The following CNTNAP5 variants were observed in gnomAD, a reference collection of about 807,000 sequenced individuals.
CNTNAP5 encodes contactin associated protein family member 5, also known as contactin-associated protein-like 5.
In CNTNAP5, 72 loss-of-function variants were observed where a neutral mutation model predicts 150.2. The ratio of observed to expected loss-of-function variants is 0.48; its 90% CI spans 0.40 to 0.58. The LOEUF is 0.58. CNTNAP5 is among the 20% of genes least tolerant of loss of function. The pLI, the probability that CNTNAP5 is intolerant of heterozygous loss-of-function variation, is 0.00. For missense variants in CNTNAP5, 1,636 were observed against 1,626.2 expected, an observed-to-expected ratio of 1.01 and a Z score of -0.10; for synonymous variants, 672 against 619.8, an observed-to-expected ratio of 1.08 and a Z score of -1.25.
intron 1 of CNTNAP5, among the ~76,000 whole-genome samples, chr2:124,182,438 G>A (rs1685230851): frequency 6.6e-6 from 1 of 150,774 alleles, no homozygotes; most frequent in Admixed American, 6.6e-5. Flanking sequence ...CTGAGACTCA[G>A]GAAGCGGAAG....
rs552265771 is a variant in CNTNAP5 at position 124,875,296 on chromosome 2, T to C, written c.3436+5534T>C. On this transcript the variant is annotated intron_variant, in intron 21 of 23. Transcript: ENST00000682447. ...TTTATGCATATAAATAAAAGGTGTGTACTTCAAAATGCTCACTTTGGAAGA... is the reference window on the plus strand; with the variant it reads ...TTTATGCATATAAATAAAAGGTGTGCACTTCAAAATGCTCACTTTGGAAGA... Among the ~76,000 whole-genome samples, 3 of 152,250 alleles carry C rather than the reference T, an allele frequency of 2.0e-5. No homozygotes were observed. In the East Asian group the frequency reaches 5.8e-4, roughly 29 times the overall value.
In CNTNAP5 at chr2:124,279,408, A is replaced by C. The variant is rs1246358172; in HGVS notation, c.381+37015A>C. Among the ~76,000 whole-genome samples, 4 of 152,174 alleles carry C rather than the reference A, an allele frequency of 2.6e-5. 1 individual carries two copies. Among genetic ancestry groups the C allele is most frequent in the Non-Finnish European group, 5.9e-5 (4 of 67,998 alleles). Reference sequence around the variant, plus strand: ...ACACCTACCAGAAAACAGAGGAACCACCCAGAATTCTGTGTAGTATGAGCT... The same window carrying C: ...ACACCTACCAGAAAACAGAGGAACCCCCCAGAATTCTGTGTAGTATGAGCT... On this transcript the variant is annotated intron_variant, in intron 3 of 23. Coordinates refer to ENST00000682447, the MANE Select transcript of CNTNAP5 (RefSeq NM_001367498.1).
At chr2:124,238,194 G>T (rs955035359) in intron 2 of CNTNAP5, among the ~76,000 whole-genome samples, 1 of 152,166 alleles carries the variant, frequency 6.6e-6, no homozygotes, top group Non-Finnish European at 1.5e-5. Context: ...GCCGCTTGTA[G>T]CCCAGGGAAG....
At chr2:124,092,889 CAG>C (rs1366439778) in intron 1 of CNTNAP5, among the ~76,000 whole-genome samples, 2 of 152,116 alleles carry the variant, frequency 1.3e-5, no homozygotes, top group East Asian at 1.9e-4. Flanking sequence ...AACAATGAAA[CAG>C]GGAAATAGTA....
chr2:124,653,910 A>ACCCC (rs1573525170), intron 13 of CNTNAP5, among the ~76,000 whole-genome samples: 2 of 18,378 alleles, frequency 1.1e-4, no homozygotes, highest in Non-Finnish European at 1.1e-4. Flanking sequence ...CACTGCCCCC[A>ACCCC]ACCCCCCCCC....
chr2:124,210,630 A>G, intron 1 of CNTNAP5, among the ~76,000 whole-genome samples: 1 of 152,064 alleles, frequency 6.6e-6, no homozygotes, highest in Admixed American at 6.5e-5. Context: ...CTCTATCCCC[A>G]TCTCCACCCA....
chr2:124,263,131 A>G (rs1687504609), intron 3 of CNTNAP5, among the ~76,000 whole-genome samples: 1 of 152,088 alleles, frequency 6.6e-6, no homozygotes, highest in Admixed American at 6.6e-5. Flanking sequence ...TGCCTTTATA[A>G]CAGCATGATT....
chr2:124,443,283 A>T (rs1389277760), intron 5 of CNTNAP5, among the ~76,000 whole-genome samples: 1 of 149,328 alleles, frequency 6.7e-6, no homozygotes, highest in Non-Finnish European at 1.5e-5. Context: ...TATACATCAT[A>T]TGTTATATTT....
chr2:124,444,967 A>C (rs1692775460), intron 5 of CNTNAP5, among the ~76,000 whole-genome samples: 1 of 152,108 alleles, frequency 6.6e-6, no homozygotes, highest in Non-Finnish European at 1.5e-5. Flanking sequence ...TTTGATGAGC[A>C]TCTCTACACT....
intron 1 of CNTNAP5, among the ~76,000 whole-genome samples, chr2:124,172,871 C>G (rs1233849066): frequency 6.6e-6 from 1 of 152,110 alleles, no homozygotes. Flanking sequence ...CTTTTTTGCA[C>G]TCTGCTTTAT....
chr2:124,419,499 G>A (rs1355182100), intron 4 of CNTNAP5, among the ~76,000 whole-genome samples: 2 of 152,186 alleles, frequency 1.3e-5, no homozygotes, highest in Non-Finnish European at 2.9e-5. Context: ...CTTTTCTACA[G>A]TATGAGAAGG....
intron 10 of CNTNAP5, among the ~76,000 whole-genome samples, chr2:124,529,191 T>C (rs1374735939): frequency 3.3e-5 from 5 of 152,040 alleles, no homozygotes; most frequent in African/African-American, 9.7e-5. Context: ...GCTAGACCAA[T>C]AGTCTTTAGT....
intron 2 of CNTNAP5, among the ~76,000 whole-genome samples, chr2:124,240,571 A>AT (rs1246390194): frequency 7.2e-5 from 11 of 152,304 alleles, no homozygotes; most frequent in Non-Finnish European, 1.3e-4. Context: ...TATTCATAAA[A>AT]AACACTTAAA....
At chr2:124,254,105 A>G (rs372853994) in intron 3 of CNTNAP5, among the ~76,000 whole-genome samples, 5 of 152,288 alleles carry the variant, frequency 3.3e-5, no homozygotes, top group South Asian at 4.1e-4. Flanking sequence ...TTAGAGCAGT[A>G]TAAGAATTCA....
chr2:124,430,803 C>G (rs1478858912), intron 4 of CNTNAP5, among the ~76,000 whole-genome samples: 1 of 152,106 alleles, frequency 6.6e-6, no homozygotes, highest in Non-Finnish European at 1.5e-5. Flanking sequence ...CTACCGAATC[C>G]CAAACCCAGA....
At chr2:124,713,993 A>G (rs1324831740) in intron 13 of CNTNAP5, among the ~76,000 whole-genome samples, 1 of 151,998 alleles carries the variant, frequency 6.6e-6, no homozygotes, top group South Asian at 2.1e-4. Flanking sequence ...GACTTTGCAC[A>G]TGTGGTTATT....
chr2:124,869,097 T>C (rs997000797), intron 20 of CNTNAP5, among the ~76,000 whole-genome samples: 1 of 152,236 alleles, frequency 6.6e-6, no homozygotes, highest in Non-Finnish European at 1.5e-5. Context: ...CCCTGCAAGA[T>C]GGGATTATCA....
At chr2:124,893,875 AC>A (rs2104750819) in intron 21 of CNTNAP5, among the ~76,000 whole-genome samples, 1 of 152,254 alleles carries the variant, frequency 6.6e-6, no homozygotes, top group South Asian at 2.1e-4. Flanking sequence ...ATCAGAAATA[AC>A]TGACTTTTAA....
At chr2:124,854,811 G>C (rs1298469246) in intron 19 of CNTNAP5, among the ~76,000 whole-genome samples, 1 of 152,116 alleles carries the variant, frequency 6.6e-6, no homozygotes, top group Admixed American at 6.6e-5. Flanking sequence ...ATTGAGATTT[G>C]TATTCTACGT....
Sources: gnomAD v4.1 joint callset for allele counts (sites outside exome capture counted in the v4.1 genomes callset) on GRCh38, gnomAD v4.1.1 for gene constraint, MANE v1.5 for transcripts, NCBI Gene and HGNC (gene_info 2026-07-23, HGNC 2026-07-21) for gene names.